The following TANC2 variants were observed in gnomAD, a reference collection of about 807,000 sequenced individuals.
TANC2 encodes protein TANC2.
In TANC2, 26 loss-of-function variants were observed where a neutral mutation model predicts 210.5. The observed-to-expected ratio is 0.12, with a 90% confidence interval of 0.09 to 0.17. The LOEUF (loss-of-function observed/expected upper bound fraction) is 0.17. Ranked by LOEUF, TANC2 falls within the 10% of genes least tolerant of loss-of-function variation. TANC2 has a pLI of 1.00. For missense variants in TANC2, 2,129 were observed against 2,608.9 expected (o/e 0.82, Z 4.01); for synonymous variants, 931 against 967.1 (o/e 0.96, Z 0.69).
intron 5 of TANC2, among the ~76,000 whole-genome samples, chr17:63,176,070 G>A (rs1055317278): frequency 2.6e-5 from 4 of 152,190 alleles, no homozygotes; most frequent in Admixed American, 2.6e-4. Context: ...GCGAGAATAT[G>A]GAGGAACAGG....
intron 14 of TANC2, among the ~76,000 whole-genome samples, chr17:63,374,063 G>T (rs186172426): frequency 2.1e-5 from 3 of 140,188 alleles, no homozygotes; most frequent in Non-Finnish European, 4.5e-5. Flanking sequence ...TTGAGTCAGG[G>T]CCTCGCTGTG....
intron 5 of TANC2, among the ~76,000 whole-genome samples, chr17:63,164,590 G>T (rs2040144650): frequency 6.6e-6 from 1 of 152,062 alleles, no homozygotes; most frequent in Non-Finnish European, 1.5e-5. Context: ...AATTATGAAG[G>T]CCATAAAGTT....
At chr17:63,131,812 CACTG>C (rs1220706960) in intron 4 of TANC2, among the ~76,000 whole-genome samples, 1 of 152,208 alleles carries the variant, frequency 6.6e-6, no homozygotes, top group African/African-American at 2.4e-5. Context: ...CCATAGGCCA[CACTG>C]TAAGACTCGC....
chr17:63,168,188 C>A (rs2040281249), intron 5 of TANC2, among the ~76,000 whole-genome samples: 1 of 152,108 alleles, frequency 6.6e-6, no homozygotes, highest in Admixed American at 6.5e-5. Flanking sequence ...GGCAACATAG[C>A]AAGACTCTCA....
chr17:63,099,493 T>TAA (rs3060701), intron 4 of TANC2, 136 bp downstream of exon 4: 63,773 of 356,478 alleles, frequency 0.18, 3,582 homozygotes, highest in South Asian at 0.26. Flanking sequence ...CTCTTGACAC[T>TAA]AAAAAAAAAA....
chr17:62,992,473 C>G (rs1372994352), intron 1 of TANC2, among the ~76,000 whole-genome samples: 1 of 152,060 alleles, frequency 6.6e-6, no homozygotes, highest in Non-Finnish European at 1.5e-5. Flanking sequence ...AATGAGTATA[C>G]TATTAGTCCA....
chr17:63,030,591 C>T (rs1054273519), intron 2 of TANC2, among the ~76,000 whole-genome samples: 3 of 151,848 alleles, frequency 2.0e-5, no homozygotes, highest in African/African-American at 7.3e-5. Context: ...TGCCACCCCC[C>T]ACCCCCCGAT....
chr17:63,265,220 A>G (rs1037889777), intron 8 of TANC2, among the ~76,000 whole-genome samples: 1 of 152,330 alleles, frequency 6.6e-6, no homozygotes, highest in East Asian at 1.9e-4. Context: ...GGAAATGCTC[A>G]TTGGAGCATT....
chr17:63,306,541 G>T (rs749419295), intron 9 of TANC2, among the ~76,000 whole-genome samples: 4 of 152,124 alleles, frequency 2.6e-5, no homozygotes, highest in Non-Finnish European at 5.9e-5. Flanking sequence ...TAAGAAGACA[G>T]GAATAAGCAA....
chr17:63,055,982 AAAAAAAAAATATATATATAT>A (rs1387731326), intron 2 of TANC2, among the ~76,000 whole-genome samples: 1,732 of 34,236 alleles, frequency 0.051, 16 homozygotes, highest in Non-Finnish European at 0.061. Flanking sequence ...AAAAAAAAAA[AAAAAAAAAATATATATATAT>A]ATATATATAT....
At chr17:63,227,212 C>T (rs2042351490) in intron 7 of TANC2, among the ~76,000 whole-genome samples, 1 of 152,168 alleles carries the variant, frequency 6.6e-6, no homozygotes, top group Non-Finnish European at 1.5e-5. Context: ...AATTTACATT[C>T]CCACCAATAG....
intron 9 of TANC2, among the ~76,000 whole-genome samples, chr17:63,281,849 G>A (rs1338465942): frequency 6.6e-6 from 1 of 152,110 alleles, no homozygotes; most frequent in Non-Finnish European, 1.5e-5. Flanking sequence ...GGAGGCAGAA[G>A]TTGGAGTGAT....
At chr17:63,060,679 C>T (rs930067095) in intron 2 of TANC2, among the ~76,000 whole-genome samples, 1 of 152,078 alleles carries the variant, frequency 6.6e-6, no homozygotes, top group Non-Finnish European at 1.5e-5. Flanking sequence ...TATTTAATCT[C>T]ACCACTAGTG....
chr17:63,231,166 A>G lies in TANC2; in HGVS notation c.770-6648A>G, dbSNP rs535868704. Among the ~76,000 whole-genome samples the G allele has an allele frequency of 1.8e-4, 27 of 152,108 alleles. No homozygotes were observed. In the South Asian group the frequency reaches 5.6e-3, roughly 32 times the overall value. ...ATTTTGAGCCTATGTGTGTCTTTGC[A>G]TTTGAGATGGGTCTCTTGAATACAG... On this transcript the variant is annotated intron_variant, in intron 7 of 27. Coordinates refer to ENST00000689528, the Ensembl canonical transcript of TANC2.
intron 9 of TANC2, among the ~76,000 whole-genome samples, chr17:63,279,285 A>G (rs2043989645): frequency 6.6e-6 from 1 of 152,160 alleles, no homozygotes; most frequent in African/African-American, 2.4e-5. Context: ...GACCATCACT[A>G]GCATTTACTG....
intron 11 of TANC2, among the ~76,000 whole-genome samples, chr17:63,339,462 C>T (rs950932257): frequency 2.0e-5 from 3 of 152,160 alleles, no homozygotes; most frequent in Non-Finnish European, 2.9e-5. Flanking sequence ...ATAAATTTTC[C>T]ATGTTCTTTG....
At chr17:63,155,293 T>G (rs973636327) in intron 5 of TANC2, 1 of 152,074 alleles carries the variant, frequency 6.6e-6, no homozygotes, top group East Asian at 1.9e-4. Context: ...ATATGCCACA[T>G]GCTTAGCTCA....
chr17:63,170,592 A>T (rs576041402), intron 5 of TANC2, among the ~76,000 whole-genome samples: 2 of 152,306 alleles, frequency 1.3e-5, no homozygotes, highest in East Asian at 3.9e-4. Context: ...ATACTAAAGT[A>T]TGTAAAAGTA....
intron 4 of TANC2, among the ~76,000 whole-genome samples, chr17:63,142,442 A>C (rs947497761): frequency 6.6e-5 from 10 of 152,058 alleles, no homozygotes; most frequent in African/African-American, 2.4e-4. Flanking sequence ...GTCAATAGTG[A>C]TGGCCCCATT....
Sources: allele counts gnomAD v4.1 joint callset (sites outside exome capture counted in the v4.1 genomes callset), GRCh38; gene constraint gnomAD v4.1.1; transcripts MANE v1.5; gene names NCBI Gene and HGNC (gene_info 2026-07-23, HGNC 2026-07-21).